The following GRIK4 variants were observed in gnomAD, a reference collection of about 807,000 sequenced individuals.
The protein encoded by GRIK4 is glutamate receptor ionotropic, kainate 4.
A neutral mutation model predicts 104.9 loss-of-function variants in GRIK4; 40 were observed. The observed-to-expected ratio is 0.38, with a 90% CI of 0.30 to 0.50. GRIK4 has a LOEUF of 0.50. Ranked by LOEUF, GRIK4 falls within the 20% of genes least tolerant of loss-of-function variation. The probability of loss-of-function intolerance (pLI) is 0.93; values close to 1 mark genes in which losing one functional copy is unlikely to be tolerated. For missense variants in GRIK4, 1,047 were observed against 1,308.1 expected (o/e 0.80, Z 3.08); for synonymous variants, 485 against 524.9 (o/e 0.92, Z 1.04).
intron 1 of GRIK4, chr11:120,576,657 AC>A (rs1373920917): frequency 1.3e-5 from 2 of 152,348 alleles, no homozygotes; most frequent in Non-Finnish European, 2.9e-5. Context: ...AGCTCTGCTT[AC>A]AGCTGTGATG....
chr11:120,673,251 G>A (rs1950049245), intron 3 of GRIK4, among the ~76,000 whole-genome samples: 1 of 152,226 alleles, frequency 6.6e-6, no homozygotes, highest in South Asian at 2.1e-4. Context: ...ATGGTGTATA[G>A]TAGGTGTCCA....
chr11:120,837,056 C>T (rs1317555174), intron 8 of GRIK4, among the ~76,000 whole-genome samples: 1 of 152,160 alleles, frequency 6.6e-6, no homozygotes, highest in Admixed American at 6.5e-5. Context: ...CTAATGCCTC[C>T]ATTCAAATGC....
intron 18 of GRIK4, among the ~76,000 whole-genome samples, chr11:120,966,780 C>T (rs1944391134): frequency 6.6e-6 from 1 of 152,020 alleles, no homozygotes; most frequent in Non-Finnish European, 1.5e-5. Context: ...TGCTTTGCAG[C>T]CAGCGTCCTG....
rs1014063007 is a variant in GRIK4, at chr11:120,940,049, C to A, written c.1477-298C>A. ...CCAATTTCCTCCTCCCAAGCCCCTA[C>A]CCTAGGACACTTTGAGACTGTCTCT... On this transcript the variant is annotated intron_variant, in intron 13 of 20. Transcript: ENST00000527524. This position sits in a 1 kb window ranked among gnomAD's most constrained non-coding sequence, Gnocchi z 4.3. 1.3e-5 allele frequency among the ~76,000 whole-genome samples: 2 copies of A among 152,046 alleles called. No individual in the cohort carries two copies. The highest frequency in any genetic ancestry group is 4.2e-4 in the South Asian group (2 of 4,818).
chr11:120,883,123 C>G (rs1264824499), intron 11 of GRIK4, among the ~76,000 whole-genome samples: 1 of 152,138 alleles, frequency 6.6e-6, no homozygotes, highest in Non-Finnish European at 1.5e-5. Context: ...TCAGTGCAGG[C>G]TTGGAGAGCG....
chr11:120,896,061 C>T lies in GRIK4; in HGVS notation c.1165-2471C>T, dbSNP rs80284706. ...CTGCTGATAGACAATGGTTTTCCCTCGCTTCCAAAGCCAGGCCCAGAGCAA... is the reference window on the plus strand; with the variant it reads ...CTGCTGATAGACAATGGTTTTCCCTTGCTTCCAAAGCCAGGCCCAGAGCAA... On this transcript the variant is annotated intron_variant, in intron 11 of 20. Transcript: ENST00000527524. 9.2e-5 allele frequency among the ~76,000 whole-genome samples: 14 copies of T among 152,340 alleles called. No individual in the cohort carries two copies. In the East Asian group the frequency reaches 2.1e-3, roughly 23 times the overall value.
At chr11:120,689,037 C>T (rs912653898) in intron 3 of GRIK4, among the ~76,000 whole-genome samples, 79 of 152,176 alleles carry the variant, frequency 5.2e-4, no homozygotes, top group African/African-American at 1.8e-3. Flanking sequence ...TGATCAATAA[C>T]AATAGTCCTA....
At chr11:120,679,216 A>G (rs1030218798) in intron 3 of GRIK4, among the ~76,000 whole-genome samples, 1 of 152,186 alleles carries the variant, frequency 6.6e-6, no homozygotes, top group African/African-American at 2.4e-5. Context: ...AGAGAAATTC[A>G]TAACTTAGCT....
intron 3 of GRIK4, among the ~76,000 whole-genome samples, chr11:120,723,638 A>G (rs564781151): frequency 3.9e-5 from 6 of 152,294 alleles, no homozygotes; most frequent in Admixed American, 1.3e-4. Context: ...ATTTGCCCAC[A>G]TGAAGTCCCA....
intron 13 of GRIK4, among the ~76,000 whole-genome samples, chr11:120,937,566 G>C (rs1350667451): frequency 6.6e-6 from 1 of 152,096 alleles, no homozygotes; most frequent in African/African-American, 2.4e-5. Context: ...CTTTCCCCCA[G>C]CGTCCTCTTG....
At chr11:120,661,931 A>G (rs1200618871) in intron 3 of GRIK4, among the ~76,000 whole-genome samples, 2 of 152,266 alleles carry the variant, frequency 1.3e-5, no homozygotes, top group East Asian at 3.8e-4. Flanking sequence ...GCAGCAATGC[A>G]AAACGGTTCA....
At chr11:120,660,432 C>T in intron 3 of GRIK4, 32 bp downstream of exon 3, 2 of 1,501,392 alleles carry the variant, frequency 1.3e-6, no homozygotes, top group Non-Finnish European at 1.8e-6. Flanking sequence ...GCAGTGCCCC[C>T]ACCCACTATC....
chr11:120,901,902 G>A (rs912888199), intron 12 of GRIK4, among the ~76,000 whole-genome samples: 12 of 152,292 alleles, frequency 7.9e-5, no homozygotes, highest in African/African-American at 1.4e-4. Flanking sequence ...GGTGCAGGCC[G>A]GACACTGGTG....
intron 3 of GRIK4, among the ~76,000 whole-genome samples, chr11:120,718,305 T>C (rs1170715453): frequency 6.6e-6 from 1 of 152,158 alleles, no homozygotes; most frequent in Non-Finnish European, 1.5e-5. Flanking sequence ...CAGAAAAAGC[T>C]CCAACTCCCG....
At position 120,722,285 on chromosome 11, in the gene GRIK4, G is replaced by A. The variant is rs527966264; in HGVS notation, c.82+61885G>A. 1.4e-4 allele frequency among the ~76,000 whole-genome samples: 22 copies of A among 152,322 alleles called. No individual in the cohort carries two copies. In the East Asian group the frequency reaches 4.2e-3, roughly 29 times the overall value. On this transcript the variant is annotated intron_variant, in intron 3 of 20. Transcript: ENST00000527524. Reference sequence around the variant, plus strand: ...TGATTCTACTACTTCCGCCATGATGGAGGTAATGGTGTTTTGGCAGTAGGA... The same window carrying A: ...TGATTCTACTACTTCCGCCATGATGAAGGTAATGGTGTTTTGGCAGTAGGA...
intron 11 of GRIK4, among the ~76,000 whole-genome samples, chr11:120,892,608 GC>G (rs1461676477): frequency 5.3e-5 from 8 of 152,234 alleles, no homozygotes; most frequent in African/African-American, 1.9e-4. Flanking sequence ...CTGTCAGGAA[GC>G]CCCAGAGGAC....
chr11:120,555,593 C>T lies in GRIK4; in HGVS notation c.-159+43706C>T, dbSNP rs1328453996. Among the ~76,000 whole-genome samples the T allele has an allele frequency of 6.6e-6, 1 of 152,162 alleles. No individual in the cohort carries two copies. Among genetic ancestry groups the T allele is most frequent in the Non-Finnish European group, 1.5e-5 (1 of 68,036 alleles). ...GGTCCGCCTGCCTTTCCCGACCTAC[C>T]CACTTCTGGGGAGTTTCTTATCTGG... On this transcript the variant is annotated intron_variant, in intron 1 of 20. Coordinates refer to ENST00000527524, the MANE Select transcript of GRIK4 (RefSeq NM_014619.5). The surrounding 1 kb of genome is among the most constrained non-coding windows in gnomAD (Gnocchi z 5.3).
At chr11:120,955,923 C>A (rs2134707053) in intron 15 of GRIK4, among the ~76,000 whole-genome samples, 1 of 152,122 alleles carries the variant, frequency 6.6e-6, no homozygotes, top group South Asian at 2.1e-4. Flanking sequence ...CCGGTGGCAC[C>A]AGCATCATCT....
At chr11:120,858,868 GA>G (rs1954188712) in intron 8 of GRIK4, 1 of 152,206 alleles carries the variant, frequency 6.6e-6, no homozygotes, top group South Asian at 2.1e-4. Context: ...TTAGATACTA[GA>G]ACCTTAGAGT....
Sources: gnomAD v4.1 joint callset for allele counts (sites outside exome capture counted in the v4.1 genomes callset) on GRCh38, gnomAD v4.1.1 for gene constraint, Gnocchi (gnomAD v3.1) non-coding constraint, MANE v1.5 for transcripts, NCBI Gene and HGNC (gene_info 2026-07-23, HGNC 2026-07-21) for gene names.